SETDB2: variants seen among roughly 807,000 people sequenced by gnomAD.
SETDB2 encodes SET domain bifurcated histone lysine methyltransferase 2.
SETDB2 carries 56 observed loss-of-function variants against 82.5 expected under a neutral mutation model. The observed-to-expected ratio is 0.68, with a 90% CI of 0.55 to 0.85. The LOEUF (loss-of-function observed/expected upper bound fraction) is 0.85, where lower values mean the gene tolerates loss of function less well. SETDB2 is among the 40% of genes least tolerant of loss of function. The pLI is 0.00. For synonymous variants in SETDB2, 272 were observed against 284.9 expected (o/e 0.95, Z 0.46); for missense variants, 677 against 816.4 (o/e 0.83, Z 2.08).
chr13:49,490,722 C>A, intron 12 of SETDB2, 100 bp from the exon 13 acceptor site: 1 of 749,324 alleles, frequency 1.3e-6, no homozygotes, highest in Non-Finnish European at 2.1e-6. Flanking sequence ...AGAACAAAAT[C>A]AGTGTGATAT....
Position 49,476,502 on chromosome 13 carries a change from C to T in SETDB2, c.332C>T (p.Ser111Phe). The T allele has an allele frequency of 1.3e-6, 2 of 1,592,032 alleles. No individual in the cohort carries two copies. The highest frequency in any genetic ancestry group is 2.3e-5 in the South Asian group (2 of 87,196). ...FLTTENKEIL[S>F]LEDKVVDFRE... ...ACAACAGAAAATAAGGAAATTCTCT[C>T]TCTTGAAGATAAAGTTGTAGACTTT... Residue 111 changes from serine (S) to phenylalanine (F), a missense_variant, in exon 6 of 14, where the codon TCT (serine) becomes TTT (phenylalanine). Physicochemically the swap from Ser to Phe is radical, Grantham distance 155 (BLOSUM62 -2). Coordinates refer to ENST00000611815, the MANE Select transcript of SETDB2 (RefSeq NM_001160308.3).
intron 3 of SETDB2, among the ~76,000 whole-genome samples, chr13:49,460,601 A>G (rs1957973314): frequency 6.6e-6 from 1 of 152,226 alleles, no homozygotes; most frequent in African/African-American, 2.4e-5. Context: ...CTGAAAGCAA[A>G]ATTTGTGTTC....
rs117019161 is a variant in SETDB2, at chr13:49,493,118, C to A, written c.*1269C>A. On this transcript the variant is annotated 3_prime_UTR_variant, in exon 14 of 14. Coordinates refer to ENST00000611815, the MANE Select transcript of SETDB2 (RefSeq NM_001160308.3). The stretch of plus-strand genomic sequence containing the variant: ...CCATAGGTTACTTGGCCGTGATCAT[C>A]TATCTAGTGGAAAAGGGGACTGGGA... 1 of 151,988 alleles carries A rather than the reference C, an allele frequency of 6.6e-6. No homozygotes were observed. The highest frequency in any genetic ancestry group is 1.5e-5 in the Non-Finnish European group (1 of 68,030). The allele number at this position is 151,988 out of a possible 1,614,324, so 9.4% of individuals were successfully genotyped here. A position where few individuals can be genotyped will look rare whatever the true frequency, so the allele number is the denominator to read the frequency against.
In SETDB2 at chr13:49,444,311, G is replaced by A. The variant is rs1957609862; in HGVS notation, c.-888G>A. 6.2e-6 allele frequency: 2 copies of A among 321,774 alleles called. No homozygotes were observed. Among genetic ancestry groups the A allele is most frequent in the African/African-American group, 2.2e-5 (1 of 45,340 alleles). The allele number at this position is 321,774 out of a possible 1,614,324, so 19.9% of individuals were successfully genotyped here. A position where few individuals can be genotyped will look rare whatever the true frequency, so the allele number is the denominator to read the frequency against. On this transcript the variant is annotated 5_prime_UTR_variant, in exon 1 of 14. Transcript: ENST00000611815. ...TTCCCTCATCCCCGGTAGAGGCAGG[G>A]CGGGACTGTTGTGGTTGAGATGAAG...
At chr13:49,468,233 TTTTTG>T (rs575836496) in intron 5 of SETDB2, among the ~76,000 whole-genome samples, 1 of 152,142 alleles carries the variant, frequency 6.6e-6, no homozygotes, top group Non-Finnish European at 1.5e-5. Flanking sequence ...AAGTAGTGTG[TTTTTG>T]TTTTGTTTTG....
At chr13:49,452,256 C>T (rs1277702275) in intron 2 of SETDB2, among the ~76,000 whole-genome samples, 2 of 152,020 alleles carry the variant, frequency 1.3e-5, no homozygotes, top group African/African-American at 4.8e-5. Flanking sequence ...GGATTACAGG[C>T]ATGTGCCACC....
At chr13:49,456,899 G>A (rs1957892791) in intron 2 of SETDB2, among the ~76,000 whole-genome samples, 1 of 152,124 alleles carries the variant, frequency 6.6e-6, no homozygotes, top group African/African-American at 2.4e-5. Context: ...CAAGAAGGAA[G>A]ACATGAGGAA....
rs1192746046 is a variant in SETDB2, at chr13:49,480,960, A to C, written c.1000A>C (p.Ser334Arg). ...RQIPTGIYEC[S>R]LLCKCNRQLC... ...TTTTGTTGACAGCATTTATGAATGC[A>C]GCCTTTTGTGCAAATGTAATCGACA... Residue 334 changes from serine (S) to arginine (R), a missense_variant, in exon 8 of 14, where the codon AGC (serine) becomes CGC (arginine). Physicochemically the swap from Ser to Arg is moderately radical, Grantham distance 110. This residue lies in a region of SETDB2 where 420 missense variants were observed against 554.6 expected (regional missense o/e 0.76). Transcript: ENST00000611815. 2 of 1,613,936 alleles carry C rather than the reference A, an allele frequency of 1.2e-6. No individual in the cohort carries two copies. Among genetic ancestry groups the C allele is most frequent in the Non-Finnish European group, 1.7e-6 (2 of 1,179,962 alleles).
intron 2 of SETDB2, among the ~76,000 whole-genome samples, chr13:49,456,767 T>G (rs1443493467): frequency 1.8e-4 from 27 of 152,176 alleles, no homozygotes; most frequent in Non-Finnish European, 5.9e-5. Flanking sequence ...ACTCATTTAG[T>G]CTCCTTGTGC....
chr13:49,450,600 T>G (rs1957766953), intron 1 of SETDB2, among the ~76,000 whole-genome samples: 1 of 152,142 alleles, frequency 6.6e-6, no homozygotes, highest in African/African-American at 2.4e-5. Flanking sequence ...TGCCATCATC[T>G]CTATAGCTTC....
At chr13:49,471,629 C>T (rs1958243634) in intron 5 of SETDB2, among the ~76,000 whole-genome samples, 2 of 151,754 alleles carry the variant, frequency 1.3e-5, no homozygotes, top group Admixed American at 6.6e-5. Context: ...ACATGACATG[C>T]ACACAAACCC....
intron 6 of SETDB2, among the ~76,000 whole-genome samples, chr13:49,479,837 CAT>C (rs1427260960): frequency 1.3e-5 from 2 of 152,204 alleles, no homozygotes; most frequent in African/African-American, 2.4e-5. Context: ...GAACTTAAGA[CAT>C]CTGCAAAACT....
At chr13:49,446,783 C>T (rs189358307) in intron 1 of SETDB2, among the ~76,000 whole-genome samples, 3 of 152,274 alleles carry the variant, frequency 2.0e-5, no homozygotes, top group Admixed American at 2.0e-4. Context: ...TTGCCATTCT[C>T]TGAGAACATT....
chr13:49,465,127 G>A (rs1022856757), intron 4 of SETDB2, among the ~76,000 whole-genome samples: 13 of 151,872 alleles, frequency 8.6e-5, no homozygotes, highest in African/African-American at 3.1e-4. Context: ...GGTTGGGAAT[G>A]AGAGAAACAA....
Position 49,480,283 on chromosome 13 carries a change from A to G in SETDB2, c.934A>G (p.Lys312Glu), listed in dbSNP as rs762940271. 3.1e-6 allele frequency: 5 copies of G among 1,611,930 alleles called. No homozygotes were observed. The highest frequency in any genetic ancestry group is 3.4e-6 in the Non-Finnish European group (4 of 1,179,320). ...CAAAACTTCCCCCTTGTCAAGTGACAAAATAACCACTGGATATAAATATAA... is the reference window on the plus strand; with the variant it reads ...CAAAACTTCCCCCTTGTCAAGTGACGAAATAACCACTGGATATAAATATAA... ...NAKTSPLSSDKITTGYKYKRL... is the reference protein window; with the variant it reads ...NAKTSPLSSDEITTGYKYKRL... The change falls in exon 7 of 14, where the codon AAA becomes GAA. Residue 312 changes from lysine to glutamate, a missense_variant. Transcript: ENST00000611815.
At chr13:49,455,081 TAGTG>T (rs1048932014) in intron 2 of SETDB2, among the ~76,000 whole-genome samples, 8 of 152,166 alleles carry the variant, frequency 5.3e-5, no homozygotes, top group African/African-American at 1.9e-4. Context: ...GCAAAAATAT[TAGTG>T]AGAAGGATAA....
At chr13:49,461,236 T>C in intron 4 of SETDB2, 74 bp downstream of exon 4, 1 of 961,726 alleles carries the variant, frequency 1.0e-6, no homozygotes, top group Non-Finnish European at 1.6e-6. Context: ...AGCTTTAATA[T>C]GTTGGGCTAA....
chr13:49,462,316 T>C (rs1205210749), intron 4 of SETDB2, among the ~76,000 whole-genome samples: 1 of 152,230 alleles, frequency 6.6e-6, no homozygotes, highest in Non-Finnish European at 1.5e-5. Flanking sequence ...TCTGAAGCTG[T>C]CTAGGGATAG....
chr13:49,464,412 A>G (rs1249246035), intron 4 of SETDB2, among the ~76,000 whole-genome samples: 3 of 152,186 alleles, frequency 2.0e-5, no homozygotes, highest in African/African-American at 4.8e-5. Context: ...CATCTGGACA[A>G]TCCTTAAGGG....
Sources: allele counts gnomAD v4.1 joint callset (sites outside exome capture counted in the v4.1 genomes callset), GRCh38; gene constraint gnomAD v4.1.1; regional missense constraint gnomAD v4.1.1; transcripts MANE v1.5; gene names NCBI Gene and HGNC (gene_info 2026-07-23, HGNC 2026-07-21).